The following SLC6A11 variants were observed in gnomAD, a reference collection of about 807,000 sequenced individuals.
SLC6A11 encodes the protein solute carrier family 6 member 11.
In SLC6A11, 25 loss-of-function variants were observed where a neutral mutation model predicts 74.8. That is an observed-to-expected ratio of 0.33 (90% CI 0.24 to 0.47). SLC6A11 has a LOEUF of 0.47. Ranked by LOEUF, SLC6A11 falls within the 20% of genes least tolerant of loss-of-function variation. The pLI is 1.00. For synonymous variants in SLC6A11, 330 were observed against 330.2 expected, an observed-to-expected ratio of 1.00 and a Z score of 0.01; for missense variants, 574 against 837.0, an observed-to-expected ratio of 0.69 and a Z score of 3.88.
At chr3:10,838,688 G>A (rs1694398656) in intron 4 of SLC6A11, among the ~76,000 whole-genome samples, 1 of 152,188 alleles carries the variant, frequency 6.6e-6, no homozygotes, top group Admixed American at 6.5e-5. Context: ...GGTGGAGGTT[G>A]CAGCGAGCTG....
rs766496279 is a variant in SLC6A11, at chr3:10,933,111, C to A, written c.1372-40C>A. 1.5e-5 allele frequency: 22 copies of A among 1,452,496 alleles called. No individual in the cohort carries two copies. The South Asian group carries it at 2.4e-4, about 16-fold the overall frequency. 90.0% of individuals were successfully genotyped at this position (1,452,496 alleles called of 1,614,324 possible). On this transcript the variant is annotated intron_variant, in intron 10 of 13. Transcript: ENST00000254488. ...GGCTGACCCTGCTCTCCCGTGTGTC[C>A]GTTCACCTCCCATCCGTGTGTCTGT...
chr3:10,828,254 T>C (rs1461420806), intron 4 of SLC6A11, among the ~76,000 whole-genome samples: 1 of 152,184 alleles, frequency 6.6e-6, no homozygotes, highest in Non-Finnish European at 1.5e-5. Flanking sequence ...ATCAAAACTG[T>C]TTTTGCACGG....
At chr3:10,820,223 C>T (rs896664868) in intron 3 of SLC6A11, among the ~76,000 whole-genome samples, 1 of 152,174 alleles carries the variant, frequency 6.6e-6, no homozygotes, top group African/African-American at 2.4e-5. Context: ...GTCAAGTTTT[C>T]CCCTGTAAAA....
At chr3:10,936,031 A>G (rs1003456541) in intron 13 of SLC6A11, among the ~76,000 whole-genome samples, 6 of 152,012 alleles carry the variant, frequency 3.9e-5, no homozygotes, top group Non-Finnish European at 8.8e-5. Context: ...ATCGTTACTG[A>G]GCCCATCTTA....
At chr3:10,934,226 A>C in intron 12 of SLC6A11, 60 bp downstream of exon 12, 4 of 1,159,542 alleles carry the variant, frequency 3.4e-6, no homozygotes, top group Non-Finnish European at 3.9e-6. Flanking sequence ...CCTCCAACCC[A>C]CGTTTCCACT....
intron 5 of SLC6A11, among the ~76,000 whole-genome samples, chr3:10,848,588 C>T (rs1313504576): frequency 6.6e-5 from 10 of 152,180 alleles, no homozygotes; most frequent in Admixed American, 6.5e-4. Flanking sequence ...GCTTAATAGA[C>T]ATTTGTGAAA....
At chr3:10,886,807 C>CA (rs200743729) in intron 6 of SLC6A11, among the ~76,000 whole-genome samples, 15,127 of 101,010 alleles carry the variant, frequency 0.15, 955 homozygotes, top group East Asian at 0.24. Flanking sequence ...GACTCCATCT[C>CA]AAAAAAAAAA....
chr3:10,828,338 C>A (rs1289907864), intron 4 of SLC6A11, among the ~76,000 whole-genome samples: 1 of 152,186 alleles, frequency 6.6e-6, no homozygotes, highest in Non-Finnish European at 1.5e-5. Context: ...GTATTCAGTT[C>A]TATTTATTCA....
At chr3:10,854,853 T>C (rs1337818718) in intron 5 of SLC6A11, among the ~76,000 whole-genome samples, 2 of 152,192 alleles carry the variant, frequency 1.3e-5, no homozygotes, top group Non-Finnish European at 2.9e-5. Context: ...GTTTGTCCCA[T>C]TGTAAAATAA....
intron 8 of SLC6A11, among the ~76,000 whole-genome samples, chr3:10,922,084 A>G (rs1451135045): frequency 3.9e-5 from 6 of 152,202 alleles, no homozygotes; most frequent in African/African-American, 1.4e-4. Flanking sequence ...TGAAATGTCA[A>G]TAAAGACATA....
intron 3 of SLC6A11, among the ~76,000 whole-genome samples, chr3:10,821,929 T>C (rs1694143375): frequency 6.6e-6 from 1 of 152,126 alleles, no homozygotes; most frequent in Non-Finnish European, 1.5e-5. Flanking sequence ...TTGCTGACAA[T>C]TTCAGGTTTC....
intron 9 of SLC6A11, 93 bp from the exon 10 acceptor site, chr3:10,929,109 C>A: frequency 7.3e-7 from 1 of 1,363,712 alleles, no homozygotes; most frequent in South Asian, 1.3e-5. Flanking sequence ...ATGAAGGAAG[C>A]CCAGGGTTCA....
In SLC6A11 at chr3:10,935,082, C is replaced by T. The variant is rs1176268990; in HGVS notation, c.1629C>T (p.Ile543=). 1 of 1,614,158 alleles carries T rather than the reference C, an allele frequency of 6.2e-7. No homozygotes were observed. The highest frequency in any genetic ancestry group is 2.2e-5 in the East Asian group (1 of 44,870). Residue 543 remains isoleucine (I), a synonymous_variant, in exon 13 of 14, where the codon ATC becomes ATT. Coordinates refer to ENST00000254488, the MANE Select transcript of SLC6A11 (RefSeq NM_014229.3). Reference sequence around the variant, plus strand: ...ACAAGCCACTCAAGTACAACAACATCTACACCTACCCAGCCTGGGGCTATG... The same window carrying T: ...ACAAGCCACTCAAGTACAACAACATTTACACCTACCCAGCCTGGGGCTATG... ...IKYKPLKYNN[I]YTYPAWGYGI...
In SLC6A11 at chr3:10,939,232, C is replaced by T. The variant is rs1695795257; in HGVS notation, c.*830C>T. ...ATGGTGTGGTGTTGATGTGTGTTTT[C>T]CCTAAAACTCTAATTTCATCTCATC... On this transcript the variant is annotated 3_prime_UTR_variant, in exon 14 of 14. Transcript: ENST00000254488. 6.6e-6 allele frequency: 1 copy of T among 152,186 alleles called. No individual in the cohort carries two copies. The highest frequency in any genetic ancestry group is 1.5e-5 in the Non-Finnish European group (1 of 68,048). 9.4% of individuals were successfully genotyped at this position (152,186 alleles called of 1,614,324 possible).
chr3:10,889,855 T>C (rs1476547489), intron 6 of SLC6A11, among the ~76,000 whole-genome samples: 2 of 152,090 alleles, frequency 1.3e-5, no homozygotes, highest in Admixed American at 6.6e-5. Context: ...AAGGAATTCC[T>C]GGGTGTTGGG....
At position 10,940,372 on chromosome 3, in the gene SLC6A11, C is replaced by T. The variant is rs1470791385; in HGVS notation, c.*1970C>T. The T allele has an allele frequency of 1.9e-5, 2 of 106,172 alleles. No homozygotes were observed. Among genetic ancestry groups the T allele is most frequent in the African/African-American group, 7.8e-5 (2 of 25,558 alleles). 6.6% of individuals were successfully genotyped at this position (106,172 alleles called of 1,614,324 possible). On this transcript the variant is annotated 3_prime_UTR_variant, in exon 14 of 14. Transcript: ENST00000254488. ...ACAGATCCCTGTGGTCCGCCATCGCCGACACACACACACGTCGTAATGTGG... is the reference window on the plus strand; with the variant it reads ...ACAGATCCCTGTGGTCCGCCATCGCTGACACACACACACGTCGTAATGTGG...
chr3:10,928,775 C>T (rs1014710965), intron 9 of SLC6A11, among the ~76,000 whole-genome samples: 4 of 151,868 alleles, frequency 2.6e-5, no homozygotes, highest in African/African-American at 7.3e-5. Flanking sequence ...CAGCAGAGCA[C>T]GTAACTCCCA....
chr3:10,833,461 C>T (rs1694324726), intron 4 of SLC6A11, among the ~76,000 whole-genome samples: 1 of 152,214 alleles, frequency 6.6e-6, no homozygotes, highest in African/African-American at 2.4e-5. Context: ...CCCAGAACAC[C>T]TTCCCAGATG....
At chr3:10,930,111 T>C (rs371763109) in intron 10 of SLC6A11, among the ~76,000 whole-genome samples, 2 of 152,212 alleles carry the variant, frequency 1.3e-5, no homozygotes. Flanking sequence ...AAGCAACTGA[T>C]GTAATATTGA....
Sources: allele counts gnomAD v4.1 joint callset (sites outside exome capture counted in the v4.1 genomes callset), GRCh38; gene constraint gnomAD v4.1.1; transcripts MANE v1.5; gene names NCBI Gene and HGNC (gene_info 2026-07-23, HGNC 2026-07-21).